The following ALG9 variants were observed in gnomAD, a reference collection of about 807,000 sequenced individuals.
ALG9 encodes the protein alpha-1,2-mannosyltransferase ALG9.
In ALG9, 55 loss-of-function variants were observed where a neutral mutation model predicts 81.8. The ratio of observed to expected loss-of-function variants is 0.67; its 90% confidence interval spans 0.54 to 0.84. The LOEUF (loss-of-function observed/expected upper bound fraction) is 0.84, where lower values mean the gene tolerates loss of function less well. Ranked by LOEUF, ALG9 falls within the 40% of genes least tolerant of loss-of-function variation. The pLI is 0.00. For synonymous variants in ALG9, 278 were observed against 274.3 expected, an observed-to-expected ratio of 1.01 and a Z score of -0.13; for missense variants, 629 against 745.0, an observed-to-expected ratio of 0.84 and a Z score of 1.81.
chr11:111,829,225 T>A (rs782556415), intron 13 of ALG9: 1 of 152,234 alleles, frequency 6.6e-6, no homozygotes, highest in African/African-American at 2.4e-5. Context: ...TCAGATTTAA[T>A]CATTCTTTCT....
the ALG9 span, among the ~76,000 whole-genome samples, chr11:111,775,233 C>T: frequency 7.8e-4 from 119 of 152,332 alleles, no homozygotes; most frequent in African/African-American, 2.7e-3. Flanking sequence ...CCCCTGAAAG[C>T]TTTTGCCCTT....
At chr11:111,812,588 C>G (rs910036648) in intron 13 of ALG9, among the ~76,000 whole-genome samples, 1 of 151,720 alleles carries the variant, frequency 6.6e-6, no homozygotes, top group East Asian at 1.9e-4. Flanking sequence ...ACAACAACAA[C>G]AAGGTGGGGG....
At chr11:111,795,858 C>G (rs1777394360) in intron 14 of ALG9, among the ~76,000 whole-genome samples, 1 of 152,234 alleles carries the variant, frequency 6.6e-6, no homozygotes, top group Non-Finnish European at 1.5e-5. Context: ...TTTCTGACCT[C>G]AGTCCCATCA....
chr11:111,855,505 C>G (rs1206783736), intron 6 of ALG9, among the ~76,000 whole-genome samples: 3 of 152,014 alleles, frequency 2.0e-5, no homozygotes, highest in Non-Finnish European at 2.9e-5. Context: ...TAATCAGATT[C>G]AAAAGATATT....
rs1946290246 is a variant in ALG9, at chr11:111,784,711, C to T, written c.*1686G>A. 1.3e-5 allele frequency: 2 copies of T among 149,914 alleles called. No homozygotes were observed. The highest frequency in any genetic ancestry group is 2.9e-5 in the Non-Finnish European group (2 of 67,872). The allele number at this position is 149,914 out of a possible 1,614,324, so 9.3% of individuals were successfully genotyped here. A position where few individuals can be genotyped will look rare whatever the true frequency, so the allele number is the denominator to read the frequency against. The stretch of plus-strand genomic sequence containing the variant: ...CCAGCATGGGCGACAGAATGAGACT[C>T]TGTCTCAAAAAAAAAAAGAAAAATG... On this transcript the variant is annotated 3_prime_UTR_variant, in exon 15 of 15. Transcript: ENST00000616540.
At chr11:111,838,107 C>T in intron 11 of ALG9, 142 bp downstream of exon 11, 1 of 851,740 alleles carries the variant, frequency 1.2e-6, no homozygotes. Context: ...ATATGCCACT[C>T]ATTAATATTA....
At chr11:111,781,573 A>C (rs1489281707), downstream of ALG9, among the ~76,000 whole-genome samples, 2 of 152,252 alleles carry the variant, frequency 1.3e-5, no homozygotes, top group Non-Finnish European at 2.9e-5. Flanking sequence ...CAAAAACTTA[A>C]GATGGATCCA....
intron 4 of ALG9, among the ~76,000 whole-genome samples, chr11:111,862,024 C>T (rs1234796816): frequency 6.6e-6 from 1 of 152,116 alleles, no homozygotes; most frequent in Admixed American, 6.6e-5. Flanking sequence ...TATTGTCTTA[C>T]ACAGTTTCAC....
downstream of ALG9, among the ~76,000 whole-genome samples, chr11:111,781,314 T>A (rs1053943869): frequency 6.6e-6 from 1 of 152,106 alleles, no homozygotes; most frequent in Non-Finnish European, 1.5e-5. Flanking sequence ...CAAAAAAAAA[T>A]TTATTCCAGC....
At chr11:111,851,393 T>G (rs1957794592) in intron 8 of ALG9, among the ~76,000 whole-genome samples, 1 of 151,184 alleles carries the variant, frequency 6.6e-6, no homozygotes, top group African/African-American at 2.4e-5. Flanking sequence ...GCAGGAGAAT[T>G]GCTTGAACCC....
intron 14 of ALG9, among the ~76,000 whole-genome samples, chr11:111,802,266 C>T (rs1949241918): frequency 6.6e-6 from 1 of 152,212 alleles, no homozygotes. Flanking sequence ...AGGTTCATAG[C>T]AGCATTATTC....
intron 10 of ALG9, 95 bp downstream of exon 10, chr11:111,840,560 A>T: frequency 7.1e-7 from 1 of 1,405,504 alleles, no homozygotes; most frequent in Non-Finnish European, 1.0e-6. Flanking sequence ...AAAATATCTT[A>T]GGTGGAAGCA....
At chr11:111,798,150 CAG>C (rs1354154168) in intron 14 of ALG9, 2 of 252,160 alleles carry the variant, frequency 7.9e-6, no homozygotes, top group African/African-American at 4.6e-5. Flanking sequence ...TTGCAGTGAA[CAG>C]AGATTGTGTC....
intron 13 of ALG9, among the ~76,000 whole-genome samples, chr11:111,823,166 T>C (rs540206279): frequency 6.6e-6 from 1 of 152,324 alleles, no homozygotes; most frequent in East Asian, 1.9e-4. Context: ...TTTAGGGAAG[T>C]AGCTTAACCT....
chr11:111,840,851 AC>A, intron 9 of ALG9, 42 bp from the exon 10 acceptor site: 1 of 1,608,218 alleles, frequency 6.2e-7, no homozygotes, highest in Non-Finnish European at 8.5e-7. Flanking sequence ...TTATATTAGA[AC>A]AAAACAACAT....
rs1946481666 is a variant in ALG9, at chr11:111,786,451, G to A, written c.1803C>T (p.Tyr601=). 1 of 1,613,992 alleles carries A rather than the reference G, an allele frequency of 6.2e-7. No individual in the cohort carries two copies. Among genetic ancestry groups the A allele is most frequent in the African/African-American group, 1.3e-5 (1 of 74,894 alleles). The change falls in exon 15 of 15, where the codon TAC becomes TAT. Residue 601 remains tyrosine (Y), a synonymous_variant. Transcript: ENST00000616540. ...TTGCTTTCCGGGGTTTGAGGATGGT[G>A]TAGTTTACGTACACTGTATACTGAT... ...LSDQYTVYVN[Y]TILKPRKAKQ...
rs138422661 is a variant in ALG9, at chr11:111,853,540, G to A, written c.790-55C>T. 6.2e-4 allele frequency: 971 copies of A among 1,571,284 alleles called. 15 individuals carry two copies. In the East Asian group the frequency reaches 0.02, roughly 32 times the overall value. ...TAGAAACATTCTCAAAATGCTAATAGGATAAACCTGAGAATGAAAAACAGA... is the reference window on the plus strand; with the variant it reads ...TAGAAACATTCTCAAAATGCTAATAAGATAAACCTGAGAATGAAAAACAGA... On this transcript the variant is annotated intron_variant, in intron 7 of 14. Coordinates refer to ENST00000616540, the MANE Select transcript of ALG9 (RefSeq NM_024740.2).
intron 8 of ALG9, among the ~76,000 whole-genome samples, chr11:111,847,812 G>A (rs1320482452): frequency 2.0e-5 from 3 of 152,104 alleles, no homozygotes; most frequent in African/African-American, 7.2e-5. Context: ...AGGAGAACTT[G>A]CCAGTGTGCA....
intron 4 of ALG9, chr11:111,864,253 C>T: frequency 2.8e-6 from 3 of 1,088,332 alleles, no homozygotes; most frequent in Non-Finnish European, 4.2e-6. Flanking sequence ...TCACGTGCAC[C>T]ATGTCTGGCT....
Sources: allele counts gnomAD v4.1 joint callset (sites outside exome capture counted in the v4.1 genomes callset), GRCh38; gene constraint gnomAD v4.1.1; transcripts MANE v1.5; gene names NCBI Gene and HGNC (gene_info 2026-07-23, HGNC 2026-07-21).